The following PEX14 variants were observed in gnomAD, a reference collection of about 807,000 sequenced individuals.
The protein encoded by PEX14 is peroxisomal biogenesis factor 14.
In PEX14, 15 loss-of-function variants were observed where a neutral mutation model predicts 49.5. That is an observed-to-expected ratio of 0.30 (90% CI 0.20 to 0.47). The LOEUF (loss-of-function observed/expected upper bound fraction) is 0.47, where lower values mean the gene tolerates loss of function less well. PEX14 is among the 20% of genes least tolerant of loss of function. The pLI is 1.00. For missense variants in PEX14, 398 were observed against 494.8 expected (o/e 0.80, Z 1.86); for synonymous variants, 210 against 212.7 (o/e 0.99, Z 0.11).
intron 1 of PEX14, among the ~76,000 whole-genome samples, chr1:10,480,200 G>A (rs112869733): frequency 2.1e-4 from 30 of 142,470 alleles, no homozygotes; most frequent in African/African-American, 7.8e-4. Flanking sequence ...CCCTCTCAAT[G>A]TTTTTTTTTT....
At chr1:10,602,647 A>C (rs187135916) in intron 4 of PEX14, among the ~76,000 whole-genome samples, 1 of 152,202 alleles carries the variant, frequency 6.6e-6, no homozygotes, top group African/African-American at 2.4e-5. Context: ...TGCTGCTGGC[A>C]TTATGAAATA....
At chr1:10,530,552 C>CCCT (rs1272782178) in intron 2 of PEX14, among the ~76,000 whole-genome samples, 2 of 152,186 alleles carry the variant, frequency 1.3e-5, no homozygotes, top group African/African-American at 4.8e-5. Flanking sequence ...GTGTGCAGGC[C>CCCT]CCTCCCCCCT....
At chr1:10,600,040 T>C (rs1640938405) in intron 4 of PEX14, among the ~76,000 whole-genome samples, 1 of 152,206 alleles carries the variant, frequency 6.6e-6, no homozygotes, top group African/African-American at 2.4e-5. Flanking sequence ...CCAGAAGCCC[T>C]CCTTGAAATC....
At chr1:10,624,564 A>G in intron 7 of PEX14, 127 bp downstream of exon 7, 1 of 723,380 alleles carries the variant, frequency 1.4e-6, no homozygotes, top group Non-Finnish European at 2.6e-6. Context: ...CAGTGGTTAC[A>G]CAGCCGTGGC....
chr1:10,566,374 A>G (rs1450285292), intron 3 of PEX14, among the ~76,000 whole-genome samples: 4 of 152,200 alleles, frequency 2.6e-5, no homozygotes, highest in African/African-American at 7.2e-5. Flanking sequence ...AAATAGCCCC[A>G]TGTCTGGGAT....
chr1:10,578,884 G>C (rs564155120), intron 3 of PEX14, among the ~76,000 whole-genome samples: 1 of 152,238 alleles, frequency 6.6e-6, no homozygotes, highest in South Asian at 2.1e-4. Flanking sequence ...CTGAAGTATG[G>C]AGAGGAAAAA....
At chr1:10,524,567 G>A (rs963758277) in intron 2 of PEX14, 10 of 189,338 alleles carry the variant, frequency 5.3e-5, no homozygotes, top group South Asian at 1.8e-4. Flanking sequence ...ATGGGGAAGG[G>A]CATCAGATAT....
intron 3 of PEX14, among the ~76,000 whole-genome samples, chr1:10,569,324 C>T (rs1557850105): frequency 6.6e-6 from 1 of 152,026 alleles, no homozygotes; most frequent in Admixed American, 6.5e-5. Flanking sequence ...GATTGCTTAG[C>T]TGTGTACTTA....
chr1:10,480,366 T>G (rs912516213), intron 1 of PEX14, among the ~76,000 whole-genome samples: 31 of 146,998 alleles, frequency 2.1e-4, no homozygotes, highest in Admixed American at 1.7e-3. Context: ...ACTACAGGTG[T>G]GTGCCACTAC....
Position 10,613,699 on chromosome 1 carries a change from T to C in PEX14, c.299-4633T>C, listed in dbSNP as rs891574808. On this transcript the variant is annotated intron_variant, in intron 4 of 8. Transcript: ENST00000356607. The surrounding 1 kb of genome is among the most constrained non-coding windows in gnomAD (Gnocchi z 5.0). ...AAGATATCGCCTGTTCTTGGATTCT[T>C]TGGGGCTCACAAAGCCCTGCCACCT... Among the ~76,000 whole-genome samples the C allele has an allele frequency of 6.6e-6, 1 of 152,200 alleles. No homozygotes were observed. Among genetic ancestry groups the C allele is most frequent in the African/African-American group, 2.4e-5 (1 of 41,460 alleles).
At chr1:10,581,710 AAATAATTTATAAGTTTAT>A (rs1640325649) in intron 3 of PEX14, among the ~76,000 whole-genome samples, 2 of 150,320 alleles carry the variant, frequency 1.3e-5, no homozygotes, top group Admixed American at 1.3e-4. Flanking sequence ...TAAACTTATA[AAATAATTTATAAGTTTAT>A]AATAATTTAT....
At position 10,487,481 on chromosome 1, in the gene PEX14, C is replaced by CTTTTTTTTTTTTTTT. The variant is rs33968565; in HGVS notation, c.37-7785_37-7771dup. Among the ~76,000 whole-genome samples, 388 of 86,730 alleles carry CTTTTTTTTTTTTTTT rather than the reference C, an allele frequency of 4.5e-3. 1 individual carries two copies. Among genetic ancestry groups the CTTTTTTTTTTTTTTT allele is most frequent in the Middle Eastern group, 0.014 (1 of 74 alleles). The allele number at this position is 86,730 out of a possible 152,430, so 56.9% of individuals were successfully genotyped here. ...ATACTTTATTACTTTTTCTTTCTTT[C>CTTTTTTTTTTTTTTT]TTTTTTTTTTTTTTTTTTTTTTGAG... On this transcript the variant is annotated intron_variant, in intron 1 of 8. Transcript: ENST00000356607.
chr1:10,617,940 A>G (rs532054608), intron 4 of PEX14, among the ~76,000 whole-genome samples: 19 of 152,066 alleles, frequency 1.2e-4, no homozygotes, highest in Non-Finnish European at 2.5e-4. Flanking sequence ...AGTAGGGCAT[A>G]TATGGGTATA....
At chr1:10,608,289 C>T (rs1557426708) in intron 4 of PEX14, among the ~76,000 whole-genome samples, 3 of 152,186 alleles carry the variant, frequency 2.0e-5, no homozygotes, top group African/African-American at 4.8e-5. Context: ...GTTCGTTTCT[C>T]CCCATAAGGA....
intron 4 of PEX14, among the ~76,000 whole-genome samples, chr1:10,612,834 C>T (rs1009165377): frequency 1.3e-5 from 2 of 152,200 alleles, no homozygotes; most frequent in Non-Finnish European, 1.5e-5. Context: ...GGCTTCTGAG[C>T]GAAGCTGATG....
At chr1:10,519,644 C>G (rs933082227) in intron 2 of PEX14, among the ~76,000 whole-genome samples, 2 of 152,202 alleles carry the variant, frequency 1.3e-5, no homozygotes, top group African/African-American at 4.8e-5. Context: ...GTGTTTCAGC[C>G]TTGGCATTAA....
chr1:10,618,723 C>T (rs532576543), intron 5 of PEX14, among the ~76,000 whole-genome samples: 5 of 152,314 alleles, frequency 3.3e-5, no homozygotes, highest in African/African-American at 7.2e-5. Context: ...CAGTAGTGCC[C>T]GCACGGGGAA....
In PEX14 at chr1:10,536,220, C is replaced by T. The variant is rs1570228034; in HGVS notation, c.92C>T (p.Thr31Met). ...NVLPREPLIA[T>M]AVKFLQNSRV... is the part of the protein sequence containing the mutation. Reference sequence around the variant, plus strand: ...TTTTCTCTCTCTCACCAGATTGCCACGGCAGTGAAGTTTCTACAGAATTCC... The same window carrying T: ...TTTTCTCTCTCTCACCAGATTGCCATGGCAGTGAAGTTTCTACAGAATTCC... The change falls in exon 3 of 9, where the codon ACG (threonine) becomes ATG (methionine). Residue 31 changes from threonine to methionine, a missense_variant. Thr to Met is a moderately conservative substitution (Grantham distance 81, BLOSUM62 -1). Around this residue, in one of 3 missense-constraint regions of PEX14, gnomAD observed 56 missense variants for 40.8 expected, o/e 1.37. Coordinates refer to ENST00000356607, the MANE Select transcript of PEX14 (RefSeq NM_004565.3). 7 of 1,602,450 alleles carry T rather than the reference C, an allele frequency of 4.4e-6. No individual in the cohort carries two copies. Among genetic ancestry groups the T allele is most frequent in the Middle Eastern group, 1.7e-4 (1 of 6,044 alleles).
At chr1:10,584,028 A>C (rs2124575297) in intron 3 of PEX14, among the ~76,000 whole-genome samples, 1 of 152,348 alleles carries the variant, frequency 6.6e-6, no homozygotes, top group East Asian at 1.9e-4. Context: ...GCAAGGAGTT[A>C]TACCATCTGA....
Sources: gnomAD v4.1 joint callset for allele counts (sites outside exome capture counted in the v4.1 genomes callset) on GRCh38, gnomAD v4.1.1 for gene constraint, gnomAD v4.1.1 regional missense constraint, Gnocchi (gnomAD v3.1) non-coding constraint, MANE v1.5 for transcripts, NCBI Gene and HGNC (gene_info 2026-07-23, HGNC 2026-07-21) for gene names.